GAS7: variants seen among roughly 807,000 people sequenced by gnomAD.
GAS7 encodes the protein growth arrest specific 7.
A neutral mutation model predicts 71.1 loss-of-function variants in GAS7; 28 were observed. The ratio of observed to expected loss-of-function variants is 0.39; its 90% CI spans 0.29 to 0.54. The LOEUF (loss-of-function observed/expected upper bound fraction) is 0.54. Ranked by LOEUF, GAS7 falls within the 20% of genes least tolerant of loss-of-function variation. The pLI is 0.62. For missense variants in GAS7, 436 were observed against 627.8 expected, an observed-to-expected ratio of 0.69 and a Z score of 3.27; for synonymous variants, 258 against 245.8, an observed-to-expected ratio of 1.05 and a Z score of -0.46.
Position 9,926,612 on chromosome 17 carries a change from GC to G in GAS7, c.1014+28del, listed in dbSNP as rs746004254. 6.2e-7 allele frequency: 1 copy of G among 1,610,044 alleles called. No homozygotes were observed. Among genetic ancestry groups the G allele is most frequent in the Non-Finnish European group, 8.5e-7 (1 of 1,179,252 alleles). On this transcript the variant is annotated intron_variant, in intron 10 of 13. Coordinates refer to ENST00000432992, the MANE Select transcript of GAS7 (RefSeq NM_201433.2). This position sits in a 1 kb window ranked among gnomAD's most constrained non-coding sequence, Gnocchi z 5.0. ...CTTCCAGGCAGTCCCCCATGCACCT[GC>G]CCTGGCCCAGCGTCCTGGGCCTCTC...
chr17:10,160,194 C>A (rs1597827174), intron 1 of GAS7, among the ~76,000 whole-genome samples: 1 of 152,138 alleles, frequency 6.6e-6, no homozygotes, highest in South Asian at 2.1e-4. Context: ...GCATGAGCGA[C>A]CCTGTCTGGC....
chr17:10,093,648 C>T (rs2073611125), intron 1 of GAS7, among the ~76,000 whole-genome samples: 1 of 151,566 alleles, frequency 6.6e-6, no homozygotes, highest in Admixed American at 6.6e-5. Context: ...CCAAAAGCTT[C>T]CCTCCCACCA....
At chr17:9,982,796 AG>A (rs1175969714) in intron 2 of GAS7, among the ~76,000 whole-genome samples, 29 of 81,276 alleles carry the variant, frequency 3.6e-4, no homozygotes, top group African/African-American at 2.0e-3. Flanking sequence ...AAAGAAAGAA[AG>A]GAAAGAAAGG....
intron 1 of GAS7, among the ~76,000 whole-genome samples, chr17:10,072,669 G>A (rs1017938754): frequency 2.6e-5 from 4 of 152,096 alleles, no homozygotes; most frequent in South Asian, 2.1e-4. Context: ...GCATCTATCT[G>A]TCCACAACCC....
At chr17:10,063,747 T>A (rs183304776) in intron 1 of GAS7, among the ~76,000 whole-genome samples, 69 of 152,228 alleles carry the variant, frequency 4.5e-4, no homozygotes, top group Non-Finnish European at 7.8e-4. Flanking sequence ...TCTAACCTGT[T>A]CACCACGGCA....
chr17:10,185,256 T>C (rs1339439688), intron 1 of GAS7, among the ~76,000 whole-genome samples: 1 of 152,170 alleles, frequency 6.6e-6, no homozygotes, highest in Admixed American at 6.5e-5. Flanking sequence ...TTTGATAAGC[T>C]TCTGGGTTGC....
intron 1 of GAS7, among the ~76,000 whole-genome samples, chr17:10,138,623 C>G (rs893653591): frequency 2.0e-5 from 3 of 151,934 alleles, no homozygotes; most frequent in Admixed American, 2.0e-4. Flanking sequence ...AAAAATTAGC[C>G]AGGCATGGTG....
At chr17:9,941,934 T>C (rs1453980483) in intron 7 of GAS7, among the ~76,000 whole-genome samples, 1 of 152,200 alleles carries the variant, frequency 6.6e-6, no homozygotes, top group Admixed American at 6.5e-5. Context: ...CATTATTACT[T>C]GATTATTGCT....
At chr17:9,934,615 C>T (rs1000757699) in intron 8 of GAS7, among the ~76,000 whole-genome samples, 3 of 152,144 alleles carry the variant, frequency 2.0e-5, no homozygotes, top group East Asian at 1.9e-4. Flanking sequence ...ACCCCTGGGC[C>T]GTCACTGTCC....
At chr17:9,998,916 G>A (rs1196602539) in intron 2 of GAS7, among the ~76,000 whole-genome samples, 1 of 152,132 alleles carries the variant, frequency 6.6e-6, no homozygotes, top group African/African-American at 2.4e-5. Flanking sequence ...ATCCATCAAA[G>A]CACACTGCCC....
At chr17:10,001,061 G>A (rs909155434) in intron 2 of GAS7, among the ~76,000 whole-genome samples, 1 of 152,128 alleles carries the variant, frequency 6.6e-6, no homozygotes, top group African/African-American at 2.4e-5. Context: ...TCAGGTTCAC[G>A]TTCACACAGC....
chr17:9,919,800 C>T lies in GAS7; in HGVS notation c.1139-95G>A. On this transcript the variant is annotated intron_variant, in intron 11 of 13. Coordinates refer to ENST00000432992, the MANE Select transcript of GAS7 (RefSeq NM_201433.2). The surrounding 1 kb of genome is among the most constrained non-coding windows in gnomAD (Gnocchi z 5.0). ...CCCCACAGCCAAGCCTTCTCCTCCC[C>T]CTGGGGTCATGGTGGCCGCTGGAAA... The T allele has an allele frequency of 1.1e-6, 1 of 923,544 alleles. No individual in the cohort carries two copies. The highest frequency in any genetic ancestry group is 1.3e-5 in the South Asian group (1 of 77,086). 57.2% of individuals were successfully genotyped at this position (923,544 alleles called of 1,614,324 possible).
chr17:10,036,934 C>T (rs962409535), intron 1 of GAS7, among the ~76,000 whole-genome samples: 3 of 152,222 alleles, frequency 2.0e-5, no homozygotes, highest in Admixed American at 6.5e-5. Context: ...CCTGCCCAAG[C>T]CCTGCTGGAG....
At chr17:9,953,678 G>T (rs1337731583) in intron 5 of GAS7, among the ~76,000 whole-genome samples, 2 of 152,262 alleles carry the variant, frequency 1.3e-5, no homozygotes, top group Non-Finnish European at 2.9e-5. Flanking sequence ...TCGAACATCT[G>T]TTGAAAGGCT....
intron 1 of GAS7, among the ~76,000 whole-genome samples, chr17:10,066,846 G>C (rs975167647): frequency 6.6e-6 from 1 of 152,170 alleles, no homozygotes; most frequent in African/African-American, 2.4e-5. Context: ...ACAGTGTAGT[G>C]GTGAAGAGAG....
chr17:10,039,693 A>G (rs2072825844), intron 1 of GAS7: 2 of 452,686 alleles, frequency 4.4e-6, no homozygotes, highest in Non-Finnish European at 8.8e-6. Flanking sequence ...AAAAATAAAT[A>G]AATAAATAAA....
chr17:10,106,234 C>A (rs1455178688), intron 1 of GAS7, among the ~76,000 whole-genome samples: 2 of 152,202 alleles, frequency 1.3e-5, no homozygotes, highest in African/African-American at 2.4e-5. Context: ...GAGCACCTGC[C>A]CTGCTTCTCA....
intron 1 of GAS7, among the ~76,000 whole-genome samples, chr17:10,043,379 GA>G (rs1453033172): frequency 6.6e-6 from 1 of 152,138 alleles, no homozygotes; most frequent in Admixed American, 6.5e-5. Context: ...GGGGATACAA[GA>G]AGAAATAAGT....
At chr17:9,999,459 A>G (rs1185885283) in intron 2 of GAS7, among the ~76,000 whole-genome samples, 1 of 152,102 alleles carries the variant, frequency 6.6e-6, no homozygotes, top group Non-Finnish European at 1.5e-5. Flanking sequence ...CAGAGGTTGC[A>G]GTGAGCCGAG....
Sources: gnomAD v4.1 joint callset for allele counts (sites outside exome capture counted in the v4.1 genomes callset) on GRCh38, gnomAD v4.1.1 for gene constraint, Gnocchi (gnomAD v3.1) non-coding constraint, MANE v1.5 for transcripts, NCBI Gene and HGNC (gene_info 2026-07-23, HGNC 2026-07-21) for gene names.